The following SLC29A4 variants were observed in gnomAD, a reference collection of about 807,000 sequenced individuals.
SLC29A4 encodes the protein solute carrier family 29 member 4, also known as equilibrative nucleoside transporter 4.
A neutral mutation model predicts 43.9 loss-of-function variants in SLC29A4; 36 were observed. The observed-to-expected ratio is 0.82, with a 90% CI of 0.63 to 1.08. The LOEUF is 1.08. SLC29A4 is among the 50% of genes least tolerant of loss of function. SLC29A4 has a pLI of 0.00. For missense variants in SLC29A4, 869 were observed against 755.3 expected, an observed-to-expected ratio of 1.15 and a Z score of -1.77; for synonymous variants, 491 against 338.0, an observed-to-expected ratio of 1.45 and a Z score of -4.97.
In SLC29A4 at chr7:5,292,524, C is replaced by T. The variant is rs542188874; in HGVS notation, c.544+703C>T. ...CATACGAGCACTCTCTCCCCCTCTCCCTCCACCCCGTCTCTCTGTACTTAA... is the reference window on the plus strand; with the variant it reads ...CATACGAGCACTCTCTCCCCCTCTCTCTCCACCCCGTCTCTCTGTACTTAA... On this transcript the variant is annotated intron_variant, in intron 5 of 10. Transcript: ENST00000396872. Among the ~76,000 whole-genome samples the T allele has an allele frequency of 2.2e-4, 34 of 152,106 alleles. No individual in the cohort carries two copies. In the South Asian group the frequency reaches 6.0e-3, roughly 27 times the overall value.
At chr7:5,297,227 C>A (rs1312434758) in intron 7 of SLC29A4, 29 bp downstream of exon 7, 1 of 318,402 alleles carries the variant, frequency 3.1e-6, no homozygotes, top group African/African-American at 9.3e-5. Flanking sequence ...CCTCTGTTCC[C>A]TTCTCTGTCC....
In SLC29A4 at chr7:5,288,723, C is replaced by T. The variant is rs1433408902; in HGVS notation, c.169+738C>T. ...TAGGACTGGATGTGAGGTTCAAAGA[C>T]CTGGGTTTTCAGCCCAGCTGTGTGA... On this transcript the variant is annotated intron_variant, in intron 2 of 10. Transcript: ENST00000396872. Among the ~76,000 whole-genome samples, 4 of 152,248 alleles carry T rather than the reference C, an allele frequency of 2.6e-5. No individual in the cohort carries two copies. In the East Asian group the frequency reaches 5.8e-4, roughly 22 times the overall value.
At chr7:5,289,798 A>C (rs1785189348) in intron 2 of SLC29A4, among the ~76,000 whole-genome samples, 3 of 151,392 alleles carry the variant, frequency 2.0e-5, no homozygotes. Flanking sequence ...AGCATGATAC[A>C]AGAACCCGGT....
At chr7:5,300,130 G>A (rs1786033940) in intron 9 of SLC29A4, among the ~76,000 whole-genome samples, 2 of 152,224 alleles carry the variant, frequency 1.3e-5, no homozygotes, top group South Asian at 4.1e-4. Flanking sequence ...TAGTCGGGAG[G>A]CTGAGGTGGG....
intron 5 of SLC29A4, among the ~76,000 whole-genome samples, chr7:5,292,645 C>G (rs986350657): frequency 7.0e-6 from 1 of 142,452 alleles, no homozygotes; most frequent in Non-Finnish European, 1.5e-5. Flanking sequence ...TGCCTAATTA[C>G]TAATACTTCA....
chr7:5,290,608 G>C, intron 2 of SLC29A4, 124 bp from the exon 3 acceptor site: 1 of 1,291,734 alleles, frequency 7.7e-7, no homozygotes, highest in Admixed American at 2.4e-5. Context: ...ACAGAGGGGA[G>C]CAGGGGTCAC....
At chr7:5,294,805 C>T (rs1008437816) in intron 5 of SLC29A4, 55 bp from the exon 6 acceptor site, 5 of 1,578,724 alleles carry the variant, frequency 3.2e-6, no homozygotes, top group Admixed American at 1.7e-5. Flanking sequence ...GCATTTCTCC[C>T]AAGTTGACAG....
intron 2 of SLC29A4, among the ~76,000 whole-genome samples, chr7:5,288,804 G>T (rs1460669797): frequency 6.6e-6 from 1 of 152,094 alleles, no homozygotes; most frequent in African/African-American, 2.4e-5. Flanking sequence ...TTGAAGAATT[G>T]GGCCAACTGA....
At position 5,301,030 on chromosome 7, in the gene SLC29A4, G is replaced by A. The variant is rs537018759; in HGVS notation, c.1450+368G>A. Reference sequence around the variant, plus strand: ...TCCCAGCACTTTGGAAGGGCAAAGCGGGTGGATCACTTGAGCCCAGGAGTT... The same window carrying A: ...TCCCAGCACTTTGGAAGGGCAAAGCAGGTGGATCACTTGAGCCCAGGAGTT... On this transcript the variant is annotated intron_variant, in intron 10 of 10. Coordinates refer to ENST00000396872, the MANE Select transcript of SLC29A4 (RefSeq NM_153247.4). 9.2e-5 allele frequency among the ~76,000 whole-genome samples: 14 copies of A among 152,268 alleles called. No homozygotes were observed. The East Asian group carries it at 2.3e-3, about 25-fold the overall frequency.
chr7:5,288,835 A>G (rs1449961718), intron 2 of SLC29A4, among the ~76,000 whole-genome samples: 2 of 152,174 alleles, frequency 1.3e-5, no homozygotes, highest in African/African-American at 4.8e-5. Flanking sequence ...AGACTTGCAG[A>G]GTGGACAGCC....
chr7:5,296,902 G>C, intron 6 of SLC29A4, 34 bp from the exon 7 acceptor site: 1 of 1,554,638 alleles, frequency 6.4e-7, no homozygotes, highest in Non-Finnish European at 8.6e-7. Context: ...GAGCTGGGCG[G>C]ATCAGGCCCC....
intron 1 of SLC29A4, among the ~76,000 whole-genome samples, chr7:5,285,760 C>T (rs10807940): frequency 0.5 from 76,085 of 151,950 alleles, 19,741 homozygotes; most frequent in Non-Finnish European, 0.56. Context: ...GCCTATAATC[C>T]CAGCACTTTG....
At chr7:5,293,073 C>T (rs916016414) in intron 5 of SLC29A4, among the ~76,000 whole-genome samples, 4 of 151,382 alleles carry the variant, frequency 2.6e-5, no homozygotes, top group African/African-American at 7.3e-5. Flanking sequence ...TCCTTTAATC[C>T]GGGACGGTCC....
In SLC29A4 at chr7:5,299,405, A is replaced by G; in HGVS notation, c.1187A>G (p.Asn396Ser). ...WLPILIMAVF[N>S]LSDFVGKILA... ...CCCATCCTCATCATGGCTGTGTTCA[A>G]CCTGTCAGACTTCGTGGGCAAGGTG... is the stretch of plus-strand genomic sequence containing the variant. The change falls in exon 9 of 11, where the codon AAC (asparagine) becomes AGC (serine). Residue 396 changes from asparagine (N) to serine (S), a missense_variant. Physicochemically the swap from Asn to Ser is conservative, Grantham distance 46. Transcript: ENST00000396872. 1 of 1,611,552 alleles carries G rather than the reference A, an allele frequency of 6.2e-7. No homozygotes were observed. The highest frequency in any genetic ancestry group is 8.5e-7 in the Non-Finnish European group (1 of 1,179,506).
chr7:5,302,874 C>G lies in SLC29A4; in HGVS notation c.1528C>G (p.Arg510Gly), dbSNP rs750130211. 2.8e-5 allele frequency: 45 copies of G among 1,604,356 alleles called. 1 individual carries two copies. The South Asian group carries it at 4.8e-4, about 17-fold the overall frequency. The change falls in exon 11 of 11, where the codon CGC (arginine) becomes GGC (glycine). Residue 510 changes from arginine to glycine, a missense_variant. Transcript: ENST00000396872. ...AVAYCTYSLT[R>G]DAHGSCLHAS... ...GGCCTACTGCACCTACAGCCTCACC[C>G]GCGACGCTCACGGCAGCTGCCTGCA...
chr7:5,296,978 A>AGCT lies in SLC29A4; in HGVS notation c.671_673dup (p.Leu224dup), dbSNP rs779446759. On this transcript the variant is annotated inframe_insertion, in exon 7 of 11. Transcript: ENST00000396872. ...ATCTCTCTGAGCCGCATCCTCACGAAGCTGCTGCTGCCCGACGAGCGCGCC... is the reference window on the plus strand; with the variant it reads ...ATCTCTCTGAGCCGCATCCTCACGAAGCTGCTGCTGCTGCCCGACGAGCGCGCC... 3.1e-6 allele frequency: 5 copies of AGCT among 1,601,062 alleles called. No homozygotes were observed. The highest frequency in any genetic ancestry group is 1.7e-5 in the Admixed American group (1 of 59,792).
At chr7:5,284,285 C>A (rs1223686794) in intron 1 of SLC29A4, among the ~76,000 whole-genome samples, 1 of 152,100 alleles carries the variant, frequency 6.6e-6, no homozygotes, top group Non-Finnish European at 1.5e-5. Context: ...TTGCCCATAG[C>A]AGTGTTAAGT....
At chr7:5,286,670 A>T (rs1784973215) in intron 1 of SLC29A4, among the ~76,000 whole-genome samples, 1 of 152,164 alleles carries the variant, frequency 6.6e-6, no homozygotes, top group Admixed American at 6.5e-5. Flanking sequence ...GGGCTGGCAG[A>T]TCCAAATTGA....
intron 2 of SLC29A4, among the ~76,000 whole-genome samples, 180 bp downstream of exon 2, chr7:5,288,165 G>A (rs115230920): frequency 0.011 from 1,720 of 152,250 alleles, 33 homozygotes; most frequent in African/African-American, 0.038. Flanking sequence ...CAGTGTCTCC[G>A]CCCTGATGCT....
Sources: gnomAD v4.1 joint callset for allele counts (sites outside exome capture counted in the v4.1 genomes callset) on GRCh38, gnomAD v4.1.1 for gene constraint, MANE v1.5 for transcripts, NCBI Gene and HGNC (gene_info 2026-07-23, HGNC 2026-07-21) for gene names.